Variants in DIDO1 observed in about 807,000 individuals in gnomAD.
The protein encoded by DIDO1 is death inducer-obliterator 1.
Under a neutral mutation model 99.4 loss-of-function variants are expected in DIDO1, and 16 were observed. The observed-to-expected ratio is 0.16, with a 90% CI of 0.11 to 0.24. The LOEUF is 0.24. Among genes scored for constraint, DIDO1 ranks in the 10% least tolerant of loss-of-function variants. The pLI, the probability that DIDO1 is intolerant of heterozygous loss-of-function variation, is 1.00. For missense variants in DIDO1, 2,996 were observed against 3,014.0 expected (o/e 0.99, Z 0.14); for synonymous variants, 1,366 against 1,239.1 (o/e 1.10, Z -2.15).
intron 6 of DIDO1, 94 bp downstream of exon 6, chr20:62,905,793 A>G (rs1433510468): frequency 4.3e-6 from 7 of 1,613,084 alleles, no homozygotes; most frequent in Middle Eastern, 1.7e-4. Flanking sequence ...AGCTTAACAC[A>G]AAGCTGCAAC....
chr20:62,889,009 A>T (rs1322070606), intron 15 of DIDO1: 8 of 985,390 alleles, frequency 8.1e-6, no homozygotes, highest in Admixed American at 6.1e-5. Context: ...ATCGTGGATC[A>T]AAGTCCCTGG....
Position 62,894,447 on chromosome 20 carries a change from T to C in DIDO1, c.2538A>G (p.Ala846=). ...TTTTACAGTTGAGATCGAAGAGGTG[T>C]GCGCGGTGCTGACTGGTGGTGTCTT... ...MLKDTTSQHR[A]HLFDLNCKIC... is the part of the protein sequence containing the mutation. The change falls in exon 11 of 16, where the codon GCA becomes GCG. Residue 846 remains alanine, a synonymous_variant. Transcript: ENST00000395343. This position sits in a 1 kb window ranked among gnomAD's most constrained non-coding sequence, Gnocchi z 4.4. 6.2e-7 allele frequency: 1 copy of C among 1,613,372 alleles called. No individual in the cohort carries two copies. Among genetic ancestry groups the C allele is most frequent in the Middle Eastern group, 1.7e-4 (1 of 6,044 alleles).
Position 62,889,956 on chromosome 20 carries a change from G to A in DIDO1, c.3541+1004C>T, listed in dbSNP as rs527364983. The A allele has an allele frequency of 3.7e-5, 36 of 985,508 alleles. No homozygotes were observed. In the South Asian group the frequency reaches 3.8e-4, roughly 10 times the overall value. The allele number at this position is 985,508 out of a possible 1,614,324, so 61.0% of individuals were successfully genotyped here. A position where few individuals can be genotyped will look rare whatever the true frequency, so the allele number is the denominator to read the frequency against. On this transcript the variant is annotated intron_variant, in intron 15 of 15. Transcript: ENST00000395343. ...GTGAAGAATGGGCTCCAGTAGGAAC[G>A]TGGGCTGTGCCTGGGGCGACAGAAG...
intron 6 of DIDO1, among the ~76,000 whole-genome samples, chr20:62,903,882 G>C (rs1044990313): frequency 2.6e-5 from 4 of 152,170 alleles, no homozygotes; most frequent in African/African-American, 9.7e-5. Flanking sequence ...AGAGGTCAGA[G>C]TACCCCGCTA....
intron 4 of DIDO1, among the ~76,000 whole-genome samples, chr20:62,907,810 G>T (rs1463698676): frequency 4.6e-5 from 7 of 152,238 alleles, no homozygotes; most frequent in Non-Finnish European, 1.0e-4. Flanking sequence ...GAAGAGAGAA[G>T]ACTTCATAGC....
At chr20:62,908,638 A>G (rs956942291) in intron 4 of DIDO1, among the ~76,000 whole-genome samples, 4 of 152,178 alleles carry the variant, frequency 2.6e-5, no homozygotes, top group African/African-American at 9.7e-5. Context: ...TCCTCCACAG[A>G]ATCTAAGTTT....
intron 15 of DIDO1, among the ~76,000 whole-genome samples, chr20:62,886,438 G>A (rs2064299283): frequency 6.6e-6 from 1 of 152,198 alleles, no homozygotes; most frequent in Non-Finnish European, 1.5e-5. Flanking sequence ...CACACGCACA[G>A]GAAAAGAACT....
intron 1 of DIDO1, among the ~76,000 whole-genome samples, chr20:62,919,126 TGAA>T (rs2065090308): frequency 6.6e-6 from 1 of 152,234 alleles, no homozygotes; most frequent in African/African-American, 2.4e-5. Flanking sequence ...CACAAGGAAC[TGAA>T]GAAGCCCAAC....
In DIDO1 at chr20:62,896,842, T is replaced by C. The variant is rs2064540938; in HGVS notation, c.1743A>G (p.Pro581=). The C allele has an allele frequency of 6.2e-7, 1 of 1,613,836 alleles. No individual in the cohort carries two copies. The highest frequency in any genetic ancestry group is 1.3e-5 in the African/African-American group (1 of 74,938). ...AACCTGAGGGTGGCTTTTTAATGGC[T>C]GGTGTGGCTGCTGCCACATTAGCAA... ...SSFANVAAAT[P]AIKKPPSGFK... is the part of the protein sequence containing the mutation. The change falls in exon 7 of 16, where the codon CCA becomes CCG. Residue 581 remains proline (P), a synonymous_variant. Coordinates refer to ENST00000395343, the MANE Select transcript of DIDO1 (RefSeq NM_001193369.2). The surrounding 1 kb of genome is among the most constrained non-coding windows in gnomAD (Gnocchi z 4.4).
chr20:62,932,403 C>T (rs926637542), intron 1 of DIDO1, among the ~76,000 whole-genome samples: 3 of 152,172 alleles, frequency 2.0e-5, no homozygotes, highest in African/African-American at 7.2e-5. Context: ...AGAGAACTAT[C>T]CACATGTATG....
chr20:62,893,018 C>A, intron 12 of DIDO1, 56 bp from the exon 13 acceptor site: 9 of 1,512,356 alleles, frequency 6.0e-6, no homozygotes, highest in African/African-American at 3.0e-5. Context: ...ATGAGAATTT[C>A]AAAAGTAGAA....
At chr20:62,913,931 T>C (rs1028833092) in intron 2 of DIDO1, among the ~76,000 whole-genome samples, 5 of 152,248 alleles carry the variant, frequency 3.3e-5, no homozygotes, top group African/African-American at 4.8e-5. Flanking sequence ...ATAGAAACAG[T>C]TGCTGTACTA....
intron 15 of DIDO1, among the ~76,000 whole-genome samples, chr20:62,882,915 C>CTTTTTT (rs10583836): frequency 4.3e-4 from 35 of 81,360 alleles, no homozygotes; most frequent in Non-Finnish European, 5.9e-4. Context: ...AACAAACAGC[C>CTTTTTT]TTTTTTTTTT....
intron 6 of DIDO1, among the ~76,000 whole-genome samples, chr20:62,899,177 C>T (rs775648665): frequency 1.2e-4 from 18 of 152,154 alleles, no homozygotes; most frequent in Non-Finnish European, 2.4e-4. Context: ...GGAAGCCAAC[C>T]GTGATTCAAA....
intron 6 of DIDO1, among the ~76,000 whole-genome samples, chr20:62,901,857 A>G (rs1471366903): frequency 6.6e-6 from 1 of 151,334 alleles, no homozygotes; most frequent in East Asian, 1.9e-4. Context: ...TTACAACTTT[A>G]TACAAATCTA....
rs372553880 is a variant in DIDO1, at chr20:62,889,910, T to C, written c.3541+1050A>G. 2.8e-5 allele frequency: 28 copies of C among 985,448 alleles called. No homozygotes were observed. The South Asian group carries it at 3.8e-4, about 13-fold the overall frequency. 61.0% of individuals were successfully genotyped at this position (985,448 alleles called of 1,614,324 possible). ...GACATATAATTCCACAACACAGGCA[T>C]AGGCTGAGCCCACTCCAGCTGTGAA... On this transcript the variant is annotated intron_variant, in intron 15 of 15. Coordinates refer to ENST00000395343, the MANE Select transcript of DIDO1 (RefSeq NM_001193369.2).
chr20:62,901,444 T>C (rs925692618), intron 6 of DIDO1, among the ~76,000 whole-genome samples: 3 of 152,252 alleles, frequency 2.0e-5, no homozygotes, highest in African/African-American at 7.2e-5. Flanking sequence ...GCCAAGCCCA[T>C]TTGGGAGCAG....
chr20:62,936,571 T>C (rs2147619596), intron 1 of DIDO1, among the ~76,000 whole-genome samples: 1 of 130,428 alleles, frequency 7.7e-6, no homozygotes, highest in East Asian at 2.3e-4. Context: ...TAGAATAAAA[T>C]AAAATCAAAA....
chr20:62,896,559 G>A lies in DIDO1; in HGVS notation c.2026C>T (p.Arg676Cys). The A allele has an allele frequency of 1.3e-6, 2 of 1,594,494 alleles. No individual in the cohort carries two copies. The highest frequency in any genetic ancestry group is 1.7e-6 in the Non-Finnish European group (2 of 1,170,954). Reference sequence around the variant, plus strand: ...TTCCACAAAATCTCTTTTAAGGAGCGTCTGATATTTTGCCGAATTTGTGAA... The same window carrying A: ...TTCCACAAAATCTCTTTTAAGGAGCATCTGATATTTTGCCGAATTTGTGAA... Reference protein sequence around the residue: ...PNSQIRQNIRRSLKEILWKRV... With the variant: ...PNSQIRQNIRCSLKEILWKRV... The change falls in exon 7 of 16, where the codon CGC becomes TGC. Residue 676 changes from arginine to cysteine, a missense_variant. By Grantham distance (180) the Arg-to-Cys change is radical (BLOSUM62 -3). Transcript: ENST00000395343. This position sits in a 1 kb window ranked among gnomAD's most constrained non-coding sequence, Gnocchi z 4.4.
Sources: allele counts gnomAD v4.1 joint callset (sites outside exome capture counted in the v4.1 genomes callset), GRCh38; gene constraint gnomAD v4.1.1; non-coding constraint Gnocchi (gnomAD v3.1); transcripts MANE v1.5; gene names NCBI Gene and HGNC (gene_info 2026-07-23, HGNC 2026-07-21).